AGBL3: variants seen among roughly 807,000 people sequenced by gnomAD.
AGBL3 encodes cytosolic carboxypeptidase 3.
AGBL3 carries 68 observed loss-of-function variants against 94.5 expected under a neutral mutation model. The observed-to-expected ratio is 0.72, with a 90% CI of 0.59 to 0.88. The LOEUF (loss-of-function observed/expected upper bound fraction) is 0.88, where lower values mean the gene tolerates loss of function less well. Ranked by LOEUF, AGBL3 falls within the 40% of genes least tolerant of loss-of-function variation. AGBL3 has a pLI of 0.00. For synonymous variants in AGBL3, 354 were observed against 370.7 expected (o/e 0.95, Z 0.52); for missense variants, 934 against 1,103.8 (o/e 0.85, Z 2.18).
chr7:135,128,836 A>T, intron 16 of AGBL3: 1 of 1,167,152 alleles, frequency 8.6e-7, no homozygotes, highest in East Asian at 2.3e-5. Flanking sequence ...TGTGTGCAGG[A>T]TGTGGAATCA....
At chr7:134,986,994 C>T (rs1416806886) in intron 1 of AGBL3, among the ~76,000 whole-genome samples, 3 of 152,376 alleles carry the variant, frequency 2.0e-5, no homozygotes, top group South Asian at 2.1e-4. Context: ...GTCAGCACTT[C>T]GTGCGCCCTG....
At chr7:135,045,596 A>G in intron 10 of AGBL3, 22 bp downstream of exon 10, 1 of 1,532,694 alleles carries the variant, frequency 6.5e-7, no homozygotes, top group Non-Finnish European at 8.8e-7. Context: ...CCATTTGGTA[A>G]TGCATCAGAC....
At chr7:135,078,366 C>A (rs1054348578) in intron 13 of AGBL3, among the ~76,000 whole-genome samples, 1 of 152,132 alleles carries the variant, frequency 6.6e-6, no homozygotes, top group African/African-American at 2.4e-5. Flanking sequence ...TCTGCTCTCT[C>A]TTCTAGAATT....
At chr7:135,112,485 C>A (rs1825783162) in intron 15 of AGBL3, among the ~76,000 whole-genome samples, 2 of 152,196 alleles carry the variant, frequency 1.3e-5, no homozygotes, top group Admixed American at 1.3e-4. Flanking sequence ...CTTGTGATTT[C>A]CTGAATGTGC....
At chr7:135,088,570 A>G (rs561829323) in intron 15 of AGBL3, among the ~76,000 whole-genome samples, 2 of 152,286 alleles carry the variant, frequency 1.3e-5, no homozygotes, top group East Asian at 3.9e-4. Flanking sequence ...AGACCAGTCT[A>G]GTGGTGATAA....
chr7:134,993,429 A>G, intron 3 of AGBL3, 64 bp from the exon 4 acceptor site: 1 of 1,358,872 alleles, frequency 7.4e-7, no homozygotes, highest in South Asian at 1.6e-5. Flanking sequence ...GAACTATATA[A>G]AAATTACAGG....
intron 11 of AGBL3, among the ~76,000 whole-genome samples, chr7:135,048,529 T>C (rs899995336): frequency 6.6e-6 from 1 of 151,976 alleles, no homozygotes; most frequent in Non-Finnish European, 1.5e-5. Context: ...TAATTTCTTT[T>C]ATCAATGTTT....
chr7:135,083,127 T>C (rs1482455040), intron 15 of AGBL3, among the ~76,000 whole-genome samples: 1 of 152,086 alleles, frequency 6.6e-6, no homozygotes, highest in Non-Finnish European at 1.5e-5. Flanking sequence ...TACCTCAGAA[T>C]CTCTTTTTCT....
chr7:135,133,098 CAA>C (rs751752309), intron 16 of AGBL3, among the ~76,000 whole-genome samples: 2 of 141,358 alleles, frequency 1.4e-5, no homozygotes, highest in African/African-American at 5.2e-5. Context: ...CACACACACA[CAA>C]CCTTTAGAAT....
intron 12 of AGBL3, among the ~76,000 whole-genome samples, chr7:135,061,856 C>G (rs1259015580): frequency 6.6e-6 from 1 of 152,050 alleles, no homozygotes; most frequent in Non-Finnish European, 1.5e-5. Flanking sequence ...ACTGTTTTGG[C>G]TAGTTCGGCT....
intron 5 of AGBL3, among the ~76,000 whole-genome samples, chr7:135,020,130 A>G (rs1387596883): frequency 1.3e-5 from 2 of 152,240 alleles, no homozygotes; most frequent in Non-Finnish European, 2.9e-5. Context: ...CAGACAACCT[A>G]CAGAATGGGA....
intron 5 of AGBL3, among the ~76,000 whole-genome samples, chr7:135,024,703 T>C (rs1173730939): frequency 6.6e-6 from 1 of 152,160 alleles, no homozygotes; most frequent in Non-Finnish European, 1.5e-5. Context: ...AGGAATCTTA[T>C]CGAGATTCAG....
At chr7:135,075,546 G>A (rs1820367498) in intron 12 of AGBL3, among the ~76,000 whole-genome samples, 1 of 152,178 alleles carries the variant, frequency 6.6e-6, no homozygotes, top group Non-Finnish European at 1.5e-5. Context: ...TAGTGTACAG[G>A]TTTATGTGAA....
intron 15 of AGBL3, among the ~76,000 whole-genome samples, chr7:135,113,781 T>C (rs1825954406): frequency 6.6e-6 from 1 of 152,202 alleles, no homozygotes; most frequent in African/African-American, 2.4e-5. Context: ...TCTTTTAAAA[T>C]TGAAACTTTA....
At chr7:135,065,439 C>T (rs1019900813) in intron 12 of AGBL3, among the ~76,000 whole-genome samples, 2 of 152,182 alleles carry the variant, frequency 1.3e-5, no homozygotes, top group Non-Finnish European at 2.9e-5. Context: ...TGTTACAAAG[C>T]TACAATAACC....
intron 5 of AGBL3, among the ~76,000 whole-genome samples, chr7:135,022,689 C>T (rs1814640725): frequency 6.6e-6 from 1 of 152,076 alleles, no homozygotes; most frequent in Non-Finnish European, 1.5e-5. Context: ...TCAATTTTAG[C>T]TTTTGTTGCA....
In AGBL3 at chr7:134,996,951, G is replaced by C. The variant is rs544609537; in HGVS notation, c.310+3273G>C. The stretch of plus-strand genomic sequence containing the variant: ...AATTCAGAGAAGCCATTATACTCAT[G>C]GTTATGGTTTATTATGTCCCTGAAA... On this transcript the variant is annotated intron_variant, in intron 4 of 16. Transcript: ENST00000436302. Among the ~76,000 whole-genome samples the C allele has an allele frequency of 9.8e-5, 15 of 152,296 alleles. 1 individual carries two copies. The South Asian group carries it at 2.9e-3, about 29-fold the overall frequency.
At chr7:135,047,619 T>A (rs1411781020) in intron 11 of AGBL3, among the ~76,000 whole-genome samples, 1 of 152,098 alleles carries the variant, frequency 6.6e-6, no homozygotes, top group Non-Finnish European at 1.5e-5. Flanking sequence ...ATTTCCCTGA[T>A]AAGCGATGTC....
chr7:135,122,414 G>C (rs1322866106), intron 16 of AGBL3, among the ~76,000 whole-genome samples: 2 of 152,200 alleles, frequency 1.3e-5, no homozygotes, highest in South Asian at 2.1e-4. Context: ...TAGCGGGAGG[G>C]GTGACCACAG....
Sources: allele counts gnomAD v4.1 joint callset (sites outside exome capture counted in the v4.1 genomes callset), GRCh38; gene constraint gnomAD v4.1.1; transcripts MANE v1.5; gene names NCBI Gene and HGNC (gene_info 2026-07-23, HGNC 2026-07-21).